Variants in LCLAT1 observed in about 807,000 individuals in gnomAD.
LCLAT1 encodes lysocardiolipin acyltransferase 1.
In LCLAT1, 11 loss-of-function variants were observed where a neutral mutation model predicts 30.7. The observed-to-expected ratio is 0.36, with a 90% CI of 0.23 to 0.59. The LOEUF is 0.59. Ranked by LOEUF, LCLAT1 falls within the 20% of genes least tolerant of loss-of-function variation. LCLAT1 has a pLI of 0.77. For missense variants in LCLAT1, 402 were observed against 458.6 expected (o/e 0.88, Z 1.13); for synonymous variants, 155 against 151.3 (o/e 1.02, Z -0.18).
In LCLAT1 at chr2:30,568,119, T is replaced by C; in HGVS notation, c.571T>C (p.Tyr191His). 6.2e-7 allele frequency: 1 copy of C among 1,609,954 alleles called. No homozygotes were observed. Among genetic ancestry groups the C allele is most frequent in the Non-Finnish European group, 8.5e-7 (1 of 1,177,772 alleles). ...AAAAAATGGACTTCAGAAATATGAA[T>C]ATGTTTTACATCCAAGAACTACAGG... ...AEKNGLQKYEYVLHPRTTGFT... is the reference protein window; with the variant it reads ...AEKNGLQKYEHVLHPRTTGFT... The change falls in exon 5 of 6, where the codon TAT becomes CAT. Residue 191 changes from tyrosine to histidine, a missense_variant. Coordinates refer to ENST00000379509, the MANE Select transcript of LCLAT1 (RefSeq NM_001002257.3).
chr2:30,466,695 C>T lies in LCLAT1; in HGVS notation c.-5+19312C>T, dbSNP rs530892778. On this transcript the variant is annotated intron_variant, in intron 1 of 5. Coordinates refer to ENST00000379509, the MANE Select transcript of LCLAT1 (RefSeq NM_001002257.3). ...AGGCTTATTAAAAATGCAGATATTCCAATTCTACTTAACACTGGGTATAGG... is the reference window on the plus strand; with the variant it reads ...AGGCTTATTAAAAATGCAGATATTCTAATTCTACTTAACACTGGGTATAGG... Among the ~76,000 whole-genome samples the T allele has an allele frequency of 2.1e-4, 31 of 149,540 alleles. No homozygotes were observed. In the South Asian group the frequency reaches 6.6e-3, roughly 32 times the overall value.
chr2:30,477,413 TAAAG>T (rs1215619805), intron 1 of LCLAT1, among the ~76,000 whole-genome samples: 2 of 152,158 alleles, frequency 1.3e-5, no homozygotes, highest in Non-Finnish European at 2.9e-5. Context: ...ATGTGAGCCT[TAAAG>T]AAGAAAGGAA....
chr2:30,584,646 C>CA (rs1472411471), intron 5 of LCLAT1, among the ~76,000 whole-genome samples: 1 of 152,092 alleles, frequency 6.6e-6, no homozygotes, highest in African/African-American at 2.4e-5. Flanking sequence ...TTCTAAGTAG[C>CA]AAAACTTGGT....
At chr2:30,506,097 G>T (rs1480692001) in intron 1 of LCLAT1, among the ~76,000 whole-genome samples, 1 of 152,108 alleles carries the variant, frequency 6.6e-6, no homozygotes, top group East Asian at 1.9e-4. Flanking sequence ...CTGTCCTGTT[G>T]TGTTTGCTCA....
chr2:30,502,713 C>CT (rs67019077), intron 1 of LCLAT1, among the ~76,000 whole-genome samples: 11 of 151,894 alleles, frequency 7.2e-5, no homozygotes, highest in Non-Finnish European at 1.0e-4. Context: ...TCATCTCTCT[C>CT]TTTTTTTTAG....
Position 30,494,202 on chromosome 2 carries a change from G to A in LCLAT1, c.-4-31385G>A, listed in dbSNP as rs147461916. ...TGTGCCACTGCACTCCAGCCTGGGC[G>A]ACAGAGTGAGACCCTGTCTTAAAAC... On this transcript the variant is annotated intron_variant, in intron 1 of 5. Coordinates refer to ENST00000379509, the MANE Select transcript of LCLAT1 (RefSeq NM_001002257.3). 1.3e-3 allele frequency among the ~76,000 whole-genome samples: 192 copies of A among 152,132 alleles called. 3 individuals carry two copies. In the East Asian group the frequency reaches 0.035, roughly 28 times the overall value.
intron 5 of LCLAT1, among the ~76,000 whole-genome samples, chr2:30,633,839 T>G (rs1004617856): frequency 2.6e-5 from 4 of 152,216 alleles, no homozygotes; most frequent in African/African-American, 9.7e-5. Context: ...GATCTGATAC[T>G]TAGGCATGAG....
chr2:30,499,170 T>A (rs926040907), intron 1 of LCLAT1, among the ~76,000 whole-genome samples: 4 of 152,080 alleles, frequency 2.6e-5, no homozygotes, highest in East Asian at 3.9e-4. Flanking sequence ...ATAGAGCAGC[T>A]GTGTTTTGTT....
chr2:30,545,148 A>G (rs1324019579), intron 3 of LCLAT1, among the ~76,000 whole-genome samples: 6 of 152,184 alleles, frequency 3.9e-5, no homozygotes, highest in Non-Finnish European at 2.9e-5. Flanking sequence ...TAAGCCAGGC[A>G]TAAGTGTAAG....
chr2:30,536,186 G>A (rs1397545688), intron 3 of LCLAT1, among the ~76,000 whole-genome samples: 1 of 152,160 alleles, frequency 6.6e-6, no homozygotes, highest in Non-Finnish European at 1.5e-5. Context: ...TATGGGAGTT[G>A]GAGAAGACGA....
chr2:30,460,477 T>C (rs912348212), intron 1 of LCLAT1, among the ~76,000 whole-genome samples: 17 of 152,224 alleles, frequency 1.1e-4, no homozygotes, highest in South Asian at 6.2e-4. Context: ...TCCTGATCTT[T>C]ATGCTTGCGT....
chr2:30,610,418 A>G (rs80105800), intron 5 of LCLAT1, among the ~76,000 whole-genome samples: 2,737 of 152,268 alleles, frequency 0.018, 82 homozygotes, highest in African/African-American at 0.061. Context: ...CCTTCTGATT[A>G]AGATAGCTCC....
At chr2:30,637,867 C>T (rs1217275433) in intron 5 of LCLAT1, among the ~76,000 whole-genome samples, 8 of 152,216 alleles carry the variant, frequency 5.3e-5, no homozygotes, top group Admixed American at 2.6e-4. Context: ...TGTGAGCCAC[C>T]GCACCCAGCC....
At chr2:30,571,680 A>C (rs1665787350) in intron 5 of LCLAT1, among the ~76,000 whole-genome samples, 1 of 152,200 alleles carries the variant, frequency 6.6e-6, no homozygotes, top group Non-Finnish European at 1.5e-5. Flanking sequence ...GAAGAAAGAC[A>C]GACAAATTAC....
intron 1 of LCLAT1, among the ~76,000 whole-genome samples, chr2:30,509,248 A>G (rs1360576689): frequency 2.6e-5 from 4 of 152,072 alleles, no homozygotes; most frequent in Non-Finnish European, 5.9e-5. Flanking sequence ...TCCTATTTGG[A>G]TGCTCTTTAT....
chr2:30,448,988 T>C (rs190664339), intron 1 of LCLAT1, among the ~76,000 whole-genome samples: 1 of 152,360 alleles, frequency 6.6e-6, no homozygotes, highest in Non-Finnish European at 1.5e-5. Flanking sequence ...TCTGCATTCA[T>C]GTACTCTGCC....
intron 5 of LCLAT1, among the ~76,000 whole-genome samples, chr2:30,598,414 C>CTTTTTTTTTTTTTTTTTTTTTTTTTG (rs58514140): frequency 7.4e-6 from 1 of 135,950 alleles, no homozygotes; most frequent in Non-Finnish European, 1.6e-5. Flanking sequence ...TCTAGATTTT[C>CTTTTTTTTTTTTTTTTTTTTTTTTTG]TTTTTTTTTT....
intron 5 of LCLAT1, among the ~76,000 whole-genome samples, chr2:30,601,871 C>CTATCTATAGATATATA (rs984280470): frequency 1.1e-4 from 10 of 87,186 alleles, no homozygotes; most frequent in East Asian, 4.0e-4. Flanking sequence ...CTATAGATAT[C>CTATCTATAGATATATA]TATCTATAGA....
At chr2:30,494,781 T>G (rs543786351) in intron 1 of LCLAT1, among the ~76,000 whole-genome samples, 1 of 152,026 alleles carries the variant, frequency 6.6e-6, no homozygotes, top group Admixed American at 6.5e-5. Context: ...GAAAAATTGA[T>G]CAGTTGATCC....
Sources: allele counts gnomAD v4.1 joint callset (sites outside exome capture counted in the v4.1 genomes callset), GRCh38; gene constraint gnomAD v4.1.1; transcripts MANE v1.5; gene names NCBI Gene and HGNC (gene_info 2026-07-23, HGNC 2026-07-21).